The following PCSK6 variants were observed in gnomAD, a reference collection of about 807,000 sequenced individuals.
PCSK6 encodes paired basic amino acid cleaving enzyme 4.
In PCSK6, 85 loss-of-function variants were observed where a neutral mutation model predicts 123.3. That is an observed-to-expected ratio of 0.69 (90% CI 0.58 to 0.83). The LOEUF (loss-of-function observed/expected upper bound fraction) is 0.83. Among genes scored for constraint, PCSK6 ranks in the 40% least tolerant of loss-of-function variants. PCSK6 has a pLI of 0.00. For missense variants in PCSK6, 1,191 were observed against 1,282.3 expected (o/e 0.93, Z 1.09); for synonymous variants, 508 against 516.0 (o/e 0.98, Z 0.21).
intron 6 of PCSK6, among the ~76,000 whole-genome samples, chr15:101,403,312 C>A (rs995673310): frequency 6.7e-6 from 1 of 148,966 alleles, no homozygotes; most frequent in South Asian, 2.2e-4. Flanking sequence ...AGGAGATATA[C>A]CTAATGCTAA....
chr15:101,431,278 C>T (rs1187378503), intron 4 of PCSK6, 42 bp downstream of exon 4: 4 of 1,606,482 alleles, frequency 2.5e-6, no homozygotes, highest in Non-Finnish European at 3.4e-6. Flanking sequence ...ATGACCAGCA[C>T]AGTTGAATAT....
chr15:101,426,438 A>T (rs560856940), intron 6 of PCSK6, among the ~76,000 whole-genome samples: 1 of 152,328 alleles, frequency 6.6e-6, no homozygotes, highest in South Asian at 2.1e-4. Flanking sequence ...TGCACCCATC[A>T]TCAAAGGCTC....
At position 101,398,535 on chromosome 15, in the gene PCSK6, C is replaced by A. The variant is rs146471031; in HGVS notation, c.865G>T (p.Ala289Ser). The change falls in exon 7 of 22, where the codon GCA (alanine) becomes TCA (serine). Residue 289 changes from alanine to serine, a missense_variant. Around this residue, in one of 3 missense-constraint regions of PCSK6, gnomAD observed 357 missense variants for 484.5 expected, o/e 0.74. Coordinates refer to ENST00000611716, the MANE Select transcript of PCSK6 (RefSeq NM_002570.5). This position sits in a 1 kb window ranked among gnomAD's most constrained non-coding sequence, Gnocchi z 4.6. ...LDGDVTDVVE[A>S]KSLGIRPNYI... ...TTGGGTCTGATGCCCAGCGACTTTGCCTCGACCACATCTGTGACATCGCCG... is the reference window on the plus strand; with the variant it reads ...TTGGGTCTGATGCCCAGCGACTTTGACTCGACCACATCTGTGACATCGCCG... 2.3e-4 allele frequency: 365 copies of A among 1,613,666 alleles called. 2 individuals carry two copies. The East Asian group carries it at 8.0e-3, about 35-fold the overall frequency.
intron 13 of PCSK6, among the ~76,000 whole-genome samples, chr15:101,352,084 G>T (rs1231719965): frequency 6.6e-6 from 1 of 151,064 alleles, no homozygotes; most frequent in African/African-American, 2.4e-5. Context: ...AAGTGAAAAG[G>T]CCATCTGTGA....
At chr15:101,382,276 T>C (rs1409214127) in intron 10 of PCSK6, 67 bp from the exon 11 acceptor site, 1 of 1,272,446 alleles carries the variant, frequency 7.9e-7, no homozygotes, top group African/African-American at 1.5e-5. Context: ...AGGCTGGCTC[T>C]TGCATCTGCC....
At chr15:101,422,619 G>T (rs1204595860) in intron 6 of PCSK6, among the ~76,000 whole-genome samples, 1 of 136,886 alleles carries the variant, frequency 7.3e-6, no homozygotes, top group African/African-American at 3.0e-5. Context: ...CTGCTAGAAC[G>T]AAACTTTTTT....
chr15:101,445,587 G>A (rs2056868077), intron 1 of PCSK6, among the ~76,000 whole-genome samples: 1 of 152,108 alleles, frequency 6.6e-6, no homozygotes, highest in South Asian at 2.1e-4. Flanking sequence ...TGCCACACGT[G>A]TCAAAAGGCT....
intron 13 of PCSK6, among the ~76,000 whole-genome samples, chr15:101,352,958 C>A (rs59631649): frequency 0.024 from 3,583 of 152,288 alleles, 143 homozygotes; most frequent in African/African-American, 0.082. Flanking sequence ...GCAGTGGTTC[C>A]CAACCTTTTT....
intron 1 of PCSK6, among the ~76,000 whole-genome samples, chr15:101,469,512 CT>C (rs1340499475): frequency 6.6e-6 from 1 of 152,204 alleles, no homozygotes; most frequent in Non-Finnish European, 1.5e-5. Flanking sequence ...TTTCTTTCAT[CT>C]TTAAGAGAGA....
chr15:101,383,955 A>C (rs947427628), intron 10 of PCSK6: 9 of 253,608 alleles, frequency 3.5e-5, no homozygotes, highest in African/African-American at 1.8e-4. Context: ...GGCTAGACTC[A>C]AATTCCTGGG....
intron 6 of PCSK6, among the ~76,000 whole-genome samples, chr15:101,418,729 T>A (rs1476294794): frequency 6.6e-6 from 1 of 152,096 alleles, no homozygotes; most frequent in East Asian, 1.9e-4. Context: ...GCCAGGCCGG[T>A]CTCGAGCTCC....
intron 1 of PCSK6, among the ~76,000 whole-genome samples, chr15:101,478,940 T>C (rs1197743703): frequency 6.6e-6 from 1 of 152,230 alleles, no homozygotes; most frequent in South Asian, 2.1e-4. Context: ...TAAGGATGAT[T>C]TGCCTTTGGT....
At chr15:101,444,304 C>A (rs2056832085) in intron 1 of PCSK6, among the ~76,000 whole-genome samples, 1 of 152,188 alleles carries the variant, frequency 6.6e-6, no homozygotes, top group African/African-American at 2.4e-5. Flanking sequence ...CCCTGGCCTT[C>A]AAGAAGGGCT....
intron 6 of PCSK6, among the ~76,000 whole-genome samples, chr15:101,411,062 C>T (rs191046340): frequency 2.0e-5 from 3 of 152,292 alleles, no homozygotes; most frequent in South Asian, 2.1e-4. Context: ...AAACTTAGAA[C>T]GAACAAATCT....
At chr15:101,317,057 G>A (rs186772212) in intron 19 of PCSK6, among the ~76,000 whole-genome samples, 12 of 151,864 alleles carry the variant, frequency 7.9e-5, no homozygotes, top group African/African-American at 9.7e-5. Flanking sequence ...GATTACAGGC[G>A]CCTGCCACCA....
intron 18 of PCSK6, among the ~76,000 whole-genome samples, chr15:101,320,057 T>C (rs891175191): frequency 1.1e-4 from 17 of 152,112 alleles, no homozygotes; most frequent in African/African-American, 3.9e-4. Flanking sequence ...ACACATCTAG[T>C]AGCGTCAGAA....
At chr15:101,421,192 C>G (rs1286277031) in intron 6 of PCSK6, among the ~76,000 whole-genome samples, 2 of 152,184 alleles carry the variant, frequency 1.3e-5, no homozygotes, top group African/African-American at 4.8e-5. Flanking sequence ...GTGATCTGCT[C>G]ACCTCCGCCT....
At chr15:101,367,526 A>C (rs921701331) in intron 12 of PCSK6, among the ~76,000 whole-genome samples, 3 of 152,220 alleles carry the variant, frequency 2.0e-5, no homozygotes, top group Admixed American at 6.5e-5. Flanking sequence ...TTCTTCTAAG[A>C]AATGGCAAAG....
chr15:101,422,486 G>T (rs376185132), intron 6 of PCSK6, among the ~76,000 whole-genome samples: 17 of 152,262 alleles, frequency 1.1e-4, no homozygotes, highest in African/African-American at 2.9e-4. Context: ...AAGGGTCATG[G>T]TCTAGGAGTA....
Sources: gnomAD v4.1 joint callset for allele counts (sites outside exome capture counted in the v4.1 genomes callset) on GRCh38, gnomAD v4.1.1 for gene constraint, gnomAD v4.1.1 regional missense constraint, Gnocchi (gnomAD v3.1) non-coding constraint, MANE v1.5 for transcripts, NCBI Gene and HGNC (gene_info 2026-07-23, HGNC 2026-07-21) for gene names.